The following RAD18 variants were observed in gnomAD, a reference collection of about 807,000 sequenced individuals.
RAD18 encodes RAD18 E3 ubiquitin protein ligase.
Under a neutral mutation model 60.4 loss-of-function variants are expected in RAD18, and 47 were observed. The observed-to-expected ratio is 0.78, with a 90% CI of 0.62 to 0.99. The LOEUF (loss-of-function observed/expected upper bound fraction) is 0.99. Ranked by LOEUF, RAD18 falls within the 50% of genes least tolerant of loss-of-function variation. The pLI is 0.00. For synonymous variants in RAD18, 225 were observed against 195.5 expected (o/e 1.15, Z -1.26); for missense variants, 640 against 593.3 (o/e 1.08, Z -0.82).
Position 8,912,374 on chromosome 3 carries a change from T to C in RAD18, c.967-2A>G. 5 of 1,536,672 alleles carry C rather than the reference T, an allele frequency of 3.3e-6. No homozygotes were observed. The highest frequency in any genetic ancestry group is 4.4e-6 in the Non-Finnish European group (5 of 1,138,616). ...TTGGTCCTTTGTAAAAACCATTACC[T>C]AAAATAATCAAAAAAAGACCTTAAT... On this transcript the variant is annotated splice_acceptor_variant, in intron 8 of 12. Coordinates refer to ENST00000264926, the MANE Select transcript of RAD18 (RefSeq NM_020165.4). LOFTEE classifies it high-confidence loss of function.
intron 8 of RAD18, 28 bp downstream of exon 8, chr3:8,913,616 C>T: frequency 7.0e-7 from 1 of 1,427,990 alleles, no homozygotes; most frequent in Non-Finnish European, 9.4e-7. Context: ...CATTTCTATC[C>T]ATATACTGAA....
At chr3:8,929,045 C>A (rs189963731) in intron 7 of RAD18, among the ~76,000 whole-genome samples, 56 of 152,178 alleles carry the variant, frequency 3.7e-4, no homozygotes, top group Non-Finnish European at 6.2e-4. Flanking sequence ...AATATTTTAA[C>A]TGGATGGGAA....
chr3:8,915,782 A>C (rs897393469), intron 7 of RAD18, among the ~76,000 whole-genome samples: 5 of 151,872 alleles, frequency 3.3e-5, no homozygotes, highest in Non-Finnish European at 7.4e-5. Flanking sequence ...ACAGGGTTTC[A>C]CCATGTTAGC....
Position 8,895,638 on chromosome 3 carries a change from T to C in RAD18, c.1322+3256A>G, listed in dbSNP as rs887135928. On this transcript the variant is annotated intron_variant, in intron 11 of 12. Coordinates refer to ENST00000264926, the MANE Select transcript of RAD18 (RefSeq NM_020165.4). ...TAAGGTTTAAACAGTACTTGCTCTC[T>C]TTTTTTTTTGTTTGTTTGTTTAAAG... Among the ~76,000 whole-genome samples the C allele has an allele frequency of 9.5e-5, 9 of 94,494 alleles. No individual in the cohort carries two copies. The African/African-American group carries it at 1.1e-3, about 11-fold the overall frequency. 62.0% of individuals were successfully genotyped at this position (94,494 alleles called of 152,430 possible). A position where few individuals can be genotyped will look rare whatever the true frequency, so the allele number is the denominator to read the frequency against.
At chr3:8,895,256 T>A (rs74544739) in intron 11 of RAD18, among the ~76,000 whole-genome samples, 3,072 of 152,286 alleles carry the variant, frequency 0.02, 87 homozygotes, top group African/African-American at 0.069. Flanking sequence ...AGAAAAAGAT[T>A]TTGTGGCAAC....
chr3:8,908,190 C>T (rs529632296), intron 9 of RAD18, among the ~76,000 whole-genome samples: 2 of 152,174 alleles, frequency 1.3e-5, no homozygotes, highest in East Asian at 3.9e-4. Flanking sequence ...TTGAGGTAGA[C>T]ATAGAGTGAT....
chr3:8,908,636 T>C (rs1250770004), intron 9 of RAD18, among the ~76,000 whole-genome samples: 2 of 152,184 alleles, frequency 1.3e-5, no homozygotes, highest in Non-Finnish European at 2.9e-5. Context: ...AAATTTGTTA[T>C]TTAAGCCATG....
intron 7 of RAD18, among the ~76,000 whole-genome samples, chr3:8,926,741 C>A (rs1940444593): frequency 6.6e-6 from 1 of 152,066 alleles, no homozygotes; most frequent in Non-Finnish European, 1.5e-5. Context: ...ACAGAGCCCT[C>A]AGAAATAATG....
rs547213901 is a variant in RAD18 at position 8,880,019 on chromosome 3, A to C, written c.*1338T>G. ...TTTGTTTGACATGCTCACTTACCTC[A>C]CATCAGTTCTGCCGATAGATTTGGT... On this transcript the variant is annotated 3_prime_UTR_variant, in exon 13 of 13. Transcript: ENST00000264926. The C allele has an allele frequency of 4.6e-5, 7 of 152,276 alleles. No individual in the cohort carries two copies. Among genetic ancestry groups the C allele is most frequent in the Non-Finnish European group, 1.0e-4 (7 of 68,020 alleles). The allele number at this position is 152,276 out of a possible 1,614,324, so 9.4% of individuals were successfully genotyped here. A position where few individuals can be genotyped will look rare whatever the true frequency, so the allele number is the denominator to read the frequency against.
chr3:8,883,916 A>C (rs1437996647), intron 12 of RAD18, among the ~76,000 whole-genome samples: 1 of 152,222 alleles, frequency 6.6e-6, no homozygotes, highest in Non-Finnish European at 1.5e-5. Flanking sequence ...GGCTTTTTGA[A>C]TTCAGCAAGC....
At chr3:8,949,202 C>T (rs865932315) in intron 2 of RAD18, among the ~76,000 whole-genome samples, 1 of 152,204 alleles carries the variant, frequency 6.6e-6, no homozygotes, top group Non-Finnish European at 1.5e-5. Flanking sequence ...TGTAAATGTT[C>T]TCCCAGTCAA....
chr3:8,956,764 C>T (rs1941021374), intron 2 of RAD18, among the ~76,000 whole-genome samples: 1 of 99,130 alleles, frequency 1.0e-5, no homozygotes, highest in South Asian at 2.8e-4. Context: ...AAAAAAAATC[C>T]TCTCGCCTAA....
intron 7 of RAD18, among the ~76,000 whole-genome samples, chr3:8,915,042 G>A (rs1198113851): frequency 6.6e-6 from 1 of 151,764 alleles, no homozygotes; most frequent in Non-Finnish European, 1.5e-5. Flanking sequence ...CCAGCTACCT[G>A]GGAGGCTGAG....
chr3:8,950,746 AT>A (rs1242318459), intron 2 of RAD18, among the ~76,000 whole-genome samples: 2 of 152,240 alleles, frequency 1.3e-5, no homozygotes, highest in African/African-American at 4.8e-5. Flanking sequence ...ATTTTTAAAA[AT>A]TATATGCTAA....
chr3:8,929,798 C>T (rs1003592439), intron 7 of RAD18, among the ~76,000 whole-genome samples: 6 of 152,170 alleles, frequency 3.9e-5, no homozygotes, highest in African/African-American at 1.4e-4. Context: ...CCTGCCACCA[C>T]GCCCAGCTAA....
chr3:8,949,256 C>A (rs1168561543), intron 2 of RAD18, among the ~76,000 whole-genome samples: 1 of 152,126 alleles, frequency 6.6e-6, no homozygotes, highest in Admixed American at 6.6e-5. Flanking sequence ...TTACTAATTA[C>A]CTAAGCTAAT....
intron 12 of RAD18, among the ~76,000 whole-genome samples, chr3:8,882,343 G>A (rs781342602): frequency 6.6e-6 from 1 of 152,152 alleles, no homozygotes; most frequent in Non-Finnish European, 1.5e-5. Context: ...ACTGCTGCAG[G>A]GGGAATGGTA....
intron 7 of RAD18, among the ~76,000 whole-genome samples, chr3:8,920,739 C>T (rs189041444): frequency 3.9e-5 from 6 of 152,260 alleles, no homozygotes; most frequent in African/African-American, 1.4e-4. Context: ...GAAAAACACA[C>T]ACACACAACA....
Position 8,902,407 on chromosome 3 carries a change from T to G in RAD18, c.1141A>C (p.Thr381Pro). Residue 381 changes from threonine (T) to proline (P), a missense_variant, in exon 10 of 13, where the codon ACA (threonine) becomes CCA (proline). Coordinates refer to ENST00000264926, the MANE Select transcript of RAD18 (RefSeq NM_020165.4). Reference protein sequence around the residue: ...TVTITKEDESTEKLSSVCMGQ... With the variant: ...TVTITKEDESPEKLSSVCMGQ... ...ATGCATACAGAAGATAGCTTTTCTG[T>G]AGATTCATCTTCTTTTGTTATTGTT... The G allele has an allele frequency of 1.2e-6, 2 of 1,607,880 alleles. No homozygotes were observed. Among genetic ancestry groups the G allele is most frequent in the African/African-American group, 1.3e-5 (1 of 74,620 alleles).
Sources: gnomAD v4.1 joint callset for allele counts (sites outside exome capture counted in the v4.1 genomes callset) on GRCh38, gnomAD v4.1.1 for gene constraint, MANE v1.5 for transcripts, NCBI Gene and HGNC (gene_info 2026-07-23, HGNC 2026-07-21) for gene names.